Variants in UGT3A2 observed in about 807,000 individuals in gnomAD.
UGT3A2 encodes the protein UDP-glycosyltransferase 3A2.
Under a neutral mutation model 39.8 loss-of-function variants are expected in UGT3A2, and 32 were observed. That is an observed-to-expected ratio of 0.80 (90% CI 0.61 to 1.08). The LOEUF is 1.08. Among genes scored for constraint, UGT3A2 ranks in the 50% least tolerant of loss-of-function variants. The pLI, the probability that UGT3A2 is intolerant of heterozygous loss-of-function variation, is 0.00. For missense variants in UGT3A2, 611 were observed against 637.1 expected, an observed-to-expected ratio of 0.96 and a Z score of 0.44; for synonymous variants, 241 against 230.7, an observed-to-expected ratio of 1.04 and a Z score of -0.40.
chr5:36,051,015 C>CA (rs1295758378), intron 3 of UGT3A2, among the ~76,000 whole-genome samples: 1 of 152,112 alleles, frequency 6.6e-6, no homozygotes, highest in East Asian at 1.9e-4. Context: ...AAAGACAAGG[C>CA]ATATGCTCAA....
intron 2 of UGT3A2, among the ~76,000 whole-genome samples, chr5:36,058,968 G>A (rs992027566): frequency 6.6e-6 from 1 of 152,080 alleles, no homozygotes; most frequent in Non-Finnish European, 1.5e-5. Context: ...GGCCTGCAGG[G>A]ACAAACAGAG....
rs915706822 is a variant in UGT3A2, at chr5:36,055,462, C to T, written c.197-3478G>A. ...GGCCAGGCTGGTCTGAAACACCTGA[C>T]CTCAGGTGATCCGCCTGCATCAGCC... On this transcript the variant is annotated intron_variant, in intron 2 of 6. Transcript: ENST00000282507. Among the ~76,000 whole-genome samples the T allele has an allele frequency of 5.3e-5, 8 of 152,056 alleles. 1 individual carries two copies. The highest frequency in any genetic ancestry group is 1.2e-4 in the African/African-American group (5 of 41,408).
intron 4 of UGT3A2, among the ~76,000 whole-genome samples, chr5:36,045,278 CAGA>C (rs1742132138): frequency 6.6e-6 from 1 of 152,018 alleles, no homozygotes; most frequent in African/African-American, 2.4e-5. Flanking sequence ...TATGCATATG[CAGA>C]AGAATAAAAC....
At chr5:36,061,086 C>T (rs556856680) in intron 2 of UGT3A2, among the ~76,000 whole-genome samples, 4 of 152,178 alleles carry the variant, frequency 2.6e-5, no homozygotes, top group South Asian at 4.2e-4. Context: ...GTACCAGAAT[C>T]GCTTGAACCT....
At chr5:36,053,234 C>T (rs1742404554) in intron 2 of UGT3A2, among the ~76,000 whole-genome samples, 1 of 152,102 alleles carries the variant, frequency 6.6e-6, no homozygotes, top group Non-Finnish European at 1.5e-5. Context: ...AGCCATTGTC[C>T]CATGCAAAGT....
At chr5:36,061,845 A>G (rs1193594640) in intron 2 of UGT3A2, among the ~76,000 whole-genome samples, 1 of 151,908 alleles carries the variant, frequency 6.6e-6, no homozygotes, top group Non-Finnish European at 1.5e-5. Flanking sequence ...GAACTAGTTT[A>G]CAGTCCCACC....
chr5:36,066,657 G>A, intron 1 of UGT3A2, 39 bp downstream of exon 1: 1 of 1,613,018 alleles, frequency 6.2e-7, no homozygotes, highest in Non-Finnish European at 8.5e-7. Flanking sequence ...CGAGTATCCG[G>A]GACGCGCCTG....
intron 1 of UGT3A2, among the ~76,000 whole-genome samples, chr5:36,065,894 C>T (rs1742864255): frequency 6.6e-6 from 1 of 152,198 alleles, no homozygotes; most frequent in South Asian, 2.1e-4. Flanking sequence ...TTAGAACCCA[C>T]TATGGGTTGA....
intron 3 of UGT3A2, among the ~76,000 whole-genome samples, chr5:36,049,802 A>C (rs1021560444): frequency 4.6e-5 from 7 of 152,160 alleles, no homozygotes; most frequent in African/African-American, 1.7e-4. Context: ...TGATTTTCTT[A>C]TTTATCCAAC....
At chr5:36,041,890 C>T (rs1742020022) in intron 4 of UGT3A2, among the ~76,000 whole-genome samples, 2 of 152,092 alleles carry the variant, frequency 1.3e-5, no homozygotes, top group South Asian at 4.2e-4. Flanking sequence ...GAAAACATGA[C>T]TTCACCCAAC....
At chr5:36,046,603 G>A (rs976602263) in intron 4 of UGT3A2, among the ~76,000 whole-genome samples, 6 of 152,164 alleles carry the variant, frequency 3.9e-5, no homozygotes, top group Admixed American at 2.0e-4. Flanking sequence ...GTTACCAGAC[G>A]CTGGGATGGG....
At chr5:36,056,176 T>C (rs1288983172) in intron 2 of UGT3A2, among the ~76,000 whole-genome samples, 2 of 152,332 alleles carry the variant, frequency 1.3e-5, no homozygotes, top group Admixed American at 1.3e-4. Flanking sequence ...TCTCTGCTTG[T>C]CACTTGTAGT....
intron 4 of UGT3A2, among the ~76,000 whole-genome samples, chr5:36,047,318 C>T (rs1455724314): frequency 2.0e-5 from 3 of 152,340 alleles, no homozygotes; most frequent in East Asian, 3.9e-4. Flanking sequence ...GGTGCATCCT[C>T]AACCTTGGCA....
At chr5:36,048,036 C>T (rs762052358) in intron 4 of UGT3A2, among the ~76,000 whole-genome samples, 2 of 152,152 alleles carry the variant, frequency 1.3e-5, no homozygotes, top group African/African-American at 2.4e-5. Flanking sequence ...AAAGAGTAGA[C>T]GCTTGGGTGG....
intron 1 of UGT3A2, among the ~76,000 whole-genome samples, chr5:36,065,594 G>A (rs1020532752): frequency 6.6e-6 from 1 of 152,002 alleles, no homozygotes; most frequent in African/African-American, 2.4e-5. Context: ...GAAAGAGGGG[G>A]AAAAAGTCTT....
At chr5:36,057,621 A>T (rs1292860165) in intron 2 of UGT3A2, among the ~76,000 whole-genome samples, 9 of 150,210 alleles carry the variant, frequency 6.0e-5, no homozygotes. Context: ...CTGCAGCTTC[A>T]GCCTCCAGGG....
rs1742266962 is a variant in UGT3A2, at chr5:36,049,267, A to G, written c.465T>C (p.Ala155=). ...ETFDYCPFLI[A]EKLGKPFVAI... ...CCACAAATGGCTTCCCAAGCTTCTC[A>G]GCAATCAGGAAAGGACAGTAGTCAA... The change falls in exon 4 of 7, where the codon GCT becomes GCC. Residue 155 remains alanine, a synonymous_variant. Coordinates refer to ENST00000282507, the MANE Select transcript of UGT3A2 (RefSeq NM_174914.4). The G allele has an allele frequency of 1.9e-6, 3 of 1,614,180 alleles. No individual in the cohort carries two copies. The highest frequency in any genetic ancestry group is 1.3e-5 in the African/African-American group (1 of 75,064).
intron 4 of UGT3A2, 118 bp downstream of exon 4, chr5:36,048,771 G>T: frequency 7.1e-7 from 1 of 1,417,130 alleles, no homozygotes; most frequent in Non-Finnish European, 9.6e-7. Context: ...CATGCCCTAG[G>T]TGCCTCCCTT....
In UGT3A2 at chr5:36,066,628, C is replaced by T. The variant is rs567458939; in HGVS notation, c.94+68G>A. ...TGGATGACTCTGATCAAGCGCTGTTCTCTGGAGCCCTGGCAGTGCGAGTAT... is the reference window on the plus strand; with the variant it reads ...TGGATGACTCTGATCAAGCGCTGTTTTCTGGAGCCCTGGCAGTGCGAGTAT... On this transcript the variant is annotated intron_variant, in intron 1 of 6. Coordinates refer to ENST00000282507, the MANE Select transcript of UGT3A2 (RefSeq NM_174914.4). The T allele has an allele frequency of 1.2e-4, 198 of 1,608,442 alleles. 5 individuals are homozygous for T. The South Asian group carries it at 2.1e-3, about 17-fold the overall frequency.
Sources: gnomAD v4.1 joint callset for allele counts (sites outside exome capture counted in the v4.1 genomes callset) on GRCh38, gnomAD v4.1.1 for gene constraint, MANE v1.5 for transcripts, NCBI Gene and HGNC (gene_info 2026-07-23, HGNC 2026-07-21) for gene names.